CTNND2: variants seen among roughly 807,000 people sequenced by gnomAD.
CTNND2 encodes catenin delta-2.
A neutral mutation model predicts 144.4 loss-of-function variants in CTNND2; 22 were observed. The ratio of observed to expected loss-of-function variants is 0.15; its 90% CI spans 0.11 to 0.22. The LOEUF is 0.22. CTNND2 is among the 10% of genes least tolerant of loss of function. The probability of loss-of-function intolerance (pLI) is 1.00; values close to 1 mark genes in which losing one functional copy is unlikely to be tolerated. For synonymous variants in CTNND2, 751 were observed against 695.6 expected, an observed-to-expected ratio of 1.08 and a Z score of -1.25; for missense variants, 1,353 against 1,618.8, an observed-to-expected ratio of 0.84 and a Z score of 2.82.
chr5:11,149,154 T>C (rs954497340), intron 12 of CTNND2, among the ~76,000 whole-genome samples: 1 of 152,196 alleles, frequency 6.6e-6, no homozygotes, highest in African/African-American at 2.4e-5. Flanking sequence ...GACACGATGC[T>C]TTTGCTTACC....
chr5:11,713,890 A>G (rs1786182970), intron 2 of CTNND2, among the ~76,000 whole-genome samples: 3 of 152,056 alleles, frequency 2.0e-5, no homozygotes, highest in Admixed American at 2.0e-4. Context: ...AGGCTTCTGG[A>G]CCTACCGTTC....
At chr5:11,291,916 A>C (rs892941895) in intron 9 of CTNND2, among the ~76,000 whole-genome samples, 1 of 152,142 alleles carries the variant, frequency 6.6e-6, no homozygotes, top group Non-Finnish European at 1.5e-5. Context: ...TTTGCTTGCT[A>C]TACAAACCAG....
chr5:11,886,328 T>G (rs76630795), intron 1 of CTNND2, among the ~76,000 whole-genome samples: 35 of 152,034 alleles, frequency 2.3e-4, no homozygotes, highest in Non-Finnish European at 4.4e-4. Context: ...GGTTATTTAA[T>G]AACCAAATAA....
intron 16 of CTNND2, among the ~76,000 whole-genome samples, chr5:11,045,255 A>C (rs2149573429): frequency 6.6e-6 from 1 of 152,328 alleles, no homozygotes. Context: ...CTGTACATAA[A>C]GCATGGTGCC....
chr5:11,317,579 T>G (rs1751641289), intron 9 of CTNND2, among the ~76,000 whole-genome samples: 1 of 152,238 alleles, frequency 6.6e-6, no homozygotes, highest in African/African-American at 2.4e-5. Context: ...TAATTATAAG[T>G]ACTTTTCAAT....
chr5:11,576,231 ATC>A (rs1777961962), intron 2 of CTNND2, among the ~76,000 whole-genome samples: 1 of 152,120 alleles, frequency 6.6e-6, no homozygotes, highest in African/African-American at 2.4e-5. Flanking sequence ...CTTGCTTTCA[ATC>A]TGTTTTTCAA....
intron 16 of CTNND2, among the ~76,000 whole-genome samples, chr5:11,046,001 G>A (rs1745205324): frequency 6.6e-6 from 1 of 152,126 alleles, no homozygotes; most frequent in South Asian, 2.1e-4. Flanking sequence ...CTGCAGGGCA[G>A]GGTGGCTGCT....
At chr5:11,046,151 T>C (rs1437419016) in intron 16 of CTNND2, among the ~76,000 whole-genome samples, 1 of 152,166 alleles carries the variant, frequency 6.6e-6, no homozygotes, top group Non-Finnish European at 1.5e-5. Context: ...TGCGGCCTTA[T>C]GTAGCAACAG....
At chr5:11,128,749 A>G (rs1283662767) in intron 12 of CTNND2, among the ~76,000 whole-genome samples, 3 of 59,502 alleles carry the variant, frequency 5.0e-5, no homozygotes, top group African/African-American at 2.9e-4. Flanking sequence ...ATTTATATAT[A>G]TTATATATAA....
At chr5:11,331,002 A>G (rs953843649) in intron 9 of CTNND2, among the ~76,000 whole-genome samples, 2 of 152,196 alleles carry the variant, frequency 1.3e-5, no homozygotes, top group Admixed American at 1.3e-4. Context: ...AGTCATCTTC[A>G]AAACAAAGAA....
At chr5:11,130,081 G>A (rs1025867811) in intron 12 of CTNND2, among the ~76,000 whole-genome samples, 2 of 151,964 alleles carry the variant, frequency 1.3e-5, no homozygotes, top group African/African-American at 4.8e-5. Flanking sequence ...GCACCTTACT[G>A]TCTTCTCCCA....
chr5:11,488,836 T>G (rs1192919414), intron 3 of CTNND2, among the ~76,000 whole-genome samples: 2 of 152,204 alleles, frequency 1.3e-5, no homozygotes, highest in South Asian at 4.1e-4. Flanking sequence ...TCCAAATGTC[T>G]TTTGTCACCC....
At chr5:11,870,471 A>C (rs1735007762) in intron 1 of CTNND2, among the ~76,000 whole-genome samples, 1 of 152,354 alleles carries the variant, frequency 6.6e-6, no homozygotes, top group East Asian at 1.9e-4. Flanking sequence ...TACAGTCAGC[A>C]AACTTGGAGA....
At chr5:11,771,205 T>TTTTTTC (rs1275303968) in intron 1 of CTNND2, among the ~76,000 whole-genome samples, 1 of 142,974 alleles carries the variant, frequency 7.0e-6, no homozygotes, top group Non-Finnish European at 1.5e-5. Flanking sequence ...TTTTTTTTTT[T>TTTTTTC]TTTTGGGATG....
chr5:11,093,672 T>G (rs1751018512), intron 15 of CTNND2, among the ~76,000 whole-genome samples: 1 of 152,168 alleles, frequency 6.6e-6, no homozygotes, highest in South Asian at 2.1e-4. Context: ...TACATTTCTG[T>G]TTTTGTTGGG....
chr5:10,973,787 A>C lies in CTNND2; in HGVS notation c.3418-74T>G. ...CAGCCTGCCTCTTGCCCCGGCACCC[A>C]ACTCTCCTTCAAAGAATAGGCTGTG... is the stretch of plus-strand genomic sequence containing the variant. On this transcript the variant is annotated intron_variant, in intron 21 of 21. Transcript: ENST00000304623. The surrounding 1 kb of genome is among the most constrained non-coding windows in gnomAD (Gnocchi z 5.6). The C allele has an allele frequency of 1.3e-6, 2 of 1,486,618 alleles. No homozygotes were observed. The highest frequency in any genetic ancestry group is 2.3e-5 in the East Asian group (1 of 43,724). The allele number at this position is 1,486,618 out of a possible 1,614,324, so 92.1% of individuals were successfully genotyped here. A position where few individuals can be genotyped will look rare whatever the true frequency, so the allele number is the denominator to read the frequency against.
At chr5:11,131,028 G>T (rs1755544276) in intron 12 of CTNND2, among the ~76,000 whole-genome samples, 1 of 152,138 alleles carries the variant, frequency 6.6e-6, no homozygotes, top group African/African-American at 2.4e-5. Flanking sequence ...GCCATGGCCA[G>T]TTACAAAGTT....
intron 1 of CTNND2, among the ~76,000 whole-genome samples, chr5:11,807,683 A>G (rs1178720489): frequency 6.6e-6 from 1 of 152,158 alleles, no homozygotes; most frequent in Non-Finnish European, 1.5e-5. Flanking sequence ...AGCCCACTCT[A>G]AAACACTGTG....
At chr5:11,336,881 A>G (rs898087170) in intron 9 of CTNND2, among the ~76,000 whole-genome samples, 6 of 152,118 alleles carry the variant, frequency 3.9e-5, no homozygotes, top group Non-Finnish European at 8.8e-5. Context: ...ACTTTCTTTA[A>G]TAAAAGTCTA....
Sources: gnomAD v4.1 joint callset for allele counts (sites outside exome capture counted in the v4.1 genomes callset) on GRCh38, gnomAD v4.1.1 for gene constraint, Gnocchi (gnomAD v3.1) non-coding constraint, MANE v1.5 for transcripts, NCBI Gene and HGNC (gene_info 2026-07-23, HGNC 2026-07-21) for gene names.